Variants in LOC400499 observed in about 807,000 individuals in gnomAD.
At chr16:11,404,846 C>G in the LOC400499 span, 5 of 399,008 alleles carry the variant, frequency 1.3e-5, no homozygotes, top group Non-Finnish European at 2.2e-5. Context: ...GCAGGAACAG[C>G]TCCCTGGGAA....
the LOC400499 span, among the ~76,000 whole-genome samples, chr16:11,453,940 G>C: frequency 6.6e-6 from 1 of 152,192 alleles, no homozygotes; most frequent in African/African-American, 2.4e-5. Flanking sequence ...CAAAGAAACT[G>C]TAAGAGAAAA....
At chr16:11,514,426 A>T in the LOC400499 span, 1 of 399,116 alleles carries the variant, frequency 2.5e-6, no homozygotes, top group Admixed American at 4.4e-5. Context: ...TCATCTGCAC[A>T]GCGCTTGCCT....
the LOC400499 span, among the ~76,000 whole-genome samples, chr16:11,509,921 G>A: frequency 6.8e-6 from 1 of 146,360 alleles, no homozygotes; most frequent in African/African-American, 2.6e-5. Context: ...GTCTGGAAGA[G>A]TATACTGGAA....
the LOC400499 span, among the ~76,000 whole-genome samples, chr16:11,430,330 A>T: frequency 6.6e-6 from 1 of 152,168 alleles, no homozygotes; most frequent in Admixed American, 6.5e-5. Context: ...TATTAAAAAT[A>T]CAAAAAAAAA....
chr16:11,442,803 G>A, the LOC400499 span, among the ~76,000 whole-genome samples: 5 of 152,122 alleles, frequency 3.3e-5, no homozygotes, highest in African/African-American at 1.2e-4. Flanking sequence ...TGCAATCTCT[G>A]GTTTAAGAAA....
At chr16:11,387,978 C>T in the LOC400499 span, among the ~76,000 whole-genome samples, 1 of 152,106 alleles carries the variant, frequency 6.6e-6, no homozygotes, top group Non-Finnish European at 1.5e-5. Context: ...TTCTCAGGAT[C>T]TAGAGTAGGA....
At chr16:11,374,941 C>A in the LOC400499 span, among the ~76,000 whole-genome samples, 1 of 152,080 alleles carries the variant, frequency 6.6e-6, no homozygotes, top group Non-Finnish European at 1.5e-5. Context: ...CTCCGCCTCC[C>A]GGGTTCAAGT....
chr16:11,482,184 C>T, the LOC400499 span, among the ~76,000 whole-genome samples: 360 of 152,230 alleles, frequency 2.4e-3, 1 homozygote, highest in African/African-American at 8.3e-3. Context: ...CGATGAACCC[C>T]AAGAGATGTA....
the LOC400499 span, among the ~76,000 whole-genome samples, chr16:11,441,863 C>T: frequency 2.0e-5 from 3 of 152,178 alleles, no homozygotes; most frequent in East Asian, 1.9e-4. Context: ...ATTTTAGCCA[C>T]GTGAGATCCA....
the LOC400499 span, among the ~76,000 whole-genome samples, chr16:11,437,146 C>A: frequency 1.3e-5 from 2 of 152,020 alleles, no homozygotes; most frequent in East Asian, 3.8e-4. Flanking sequence ...CAGTGGTTGC[C>A]AGGGGGTGGA....
At chr16:11,393,320 A>AC in the LOC400499 span, 247,019 of 1,167,084 alleles carry the variant, frequency 0.21, 28,346 homozygotes, top group Non-Finnish European at 0.23. Context: ...TAACGCCCAG[A>AC]CCCCCGTCCT....
the LOC400499 span, chr16:11,472,036 G>A: frequency 1.0e-5 from 4 of 387,094 alleles, no homozygotes; most frequent in African/African-American, 6.2e-5. Flanking sequence ...CTTATTTGGG[G>A]GCTGTCCTGT....
chr16:11,477,191 C>G, the LOC400499 span, among the ~76,000 whole-genome samples: 1 of 152,218 alleles, frequency 6.6e-6, no homozygotes, highest in Admixed American at 6.5e-5. Context: ...ATGACTGGGA[C>G]AAAGCATGTG....
chr16:11,459,744 G>T, the LOC400499 span, among the ~76,000 whole-genome samples: 1 of 152,224 alleles, frequency 6.6e-6, no homozygotes, highest in African/African-American at 2.4e-5. Context: ...GGGGTCATGG[G>T]GCTGGAGATG....
the LOC400499 span, among the ~76,000 whole-genome samples, chr16:11,418,497 G>A: frequency 6.6e-6 from 1 of 152,222 alleles, no homozygotes; most frequent in Non-Finnish European, 1.5e-5. Context: ...ACAGTTTACA[G>A]ATGTCATGGC....
chr16:11,390,419 G>A, the LOC400499 span: 7 of 1,252,080 alleles, frequency 5.6e-6, no homozygotes, highest in Middle Eastern at 3.0e-4. Context: ...TCCAGGGGCC[G>A]CAGTGTCACC....
At chr16:11,490,641 C>T in the LOC400499 span, among the ~76,000 whole-genome samples, 122 of 152,288 alleles carry the variant, frequency 8.0e-4, no homozygotes, top group Middle Eastern at 6.8e-3. Context: ...GCAGAGCTTG[C>T]AGTGAGCCAA....
the LOC400499 span, among the ~76,000 whole-genome samples, chr16:11,382,233 C>T: frequency 2.7e-4 from 41 of 152,224 alleles, no homozygotes; most frequent in African/African-American, 5.8e-4. Context: ...CCACCACACC[C>T]GGCATTTCTT....
the LOC400499 span, among the ~76,000 whole-genome samples, chr16:11,503,110 G>C: frequency 3.4e-5 from 5 of 147,826 alleles, no homozygotes; most frequent in Non-Finnish European, 7.4e-5. Flanking sequence ...TTTTCATAGA[G>C]ATGAGGTTTC....
Sources: allele counts gnomAD v4.1 joint callset (sites outside exome capture counted in the v4.1 genomes callset), GRCh38; gene constraint gnomAD v4.1.1; transcripts MANE v1.5.